The following COX7B2 variants were observed in gnomAD, a reference collection of about 807,000 sequenced individuals.
The protein encoded by COX7B2 is cytochrome c oxidase subunit 7B2, mitochondrial.
For synonymous variants in COX7B2, 37 were observed against 32.1 expected (o/e 1.15, Z -0.51); for missense variants, 109 against 95.9 (o/e 1.14, Z -0.57).
intron 2 of COX7B2, among the ~76,000 whole-genome samples, chr4:46,772,613 A>G (rs1716939117): frequency 6.6e-6 from 1 of 152,154 alleles, no homozygotes; most frequent in African/African-American, 2.4e-5. Context: ...GGAGGAAAAA[A>G]GAAAGAAAGG....
chr4:46,808,121 A>G (rs531748674), intron 2 of COX7B2, among the ~76,000 whole-genome samples: 5 of 151,984 alleles, frequency 3.3e-5, no homozygotes, highest in African/African-American at 1.2e-4. Flanking sequence ...TGTACTATGA[A>G]TATTTCAACA....
intron 1 of COX7B2, among the ~76,000 whole-genome samples, chr4:46,902,273 C>T (rs749336094): frequency 3.9e-5 from 6 of 152,118 alleles, no homozygotes; most frequent in African/African-American, 7.2e-5. Context: ...CTAAAGTCGA[C>T]GATCATATAA....
chr4:46,799,599 G>C (rs1718544103), intron 2 of COX7B2, among the ~76,000 whole-genome samples: 1 of 152,062 alleles, frequency 6.6e-6, no homozygotes, highest in Non-Finnish European at 1.5e-5. Context: ...CCTCTTCTGT[G>C]TCTATGGAGA....
chr4:46,806,834 T>A (rs760422500), intron 2 of COX7B2, among the ~76,000 whole-genome samples: 1 of 152,056 alleles, frequency 6.6e-6, no homozygotes, highest in Admixed American at 6.5e-5. Context: ...ATCCATGTTA[T>A]AACAAAGGGC....
chr4:46,781,691 G>T (rs1717457341), intron 2 of COX7B2, among the ~76,000 whole-genome samples: 1 of 152,320 alleles, frequency 6.6e-6, no homozygotes, highest in South Asian at 2.1e-4. Context: ...AGAGGGAATG[G>T]TGGGAACCTG....
At chr4:46,892,674 C>T (rs1289698567) in intron 1 of COX7B2, among the ~76,000 whole-genome samples, 1 of 152,110 alleles carries the variant, frequency 6.6e-6, no homozygotes, top group South Asian at 2.1e-4. Flanking sequence ...ATCAAAGTAG[C>T]CTCAACATCT....
At chr4:46,863,419 T>C (rs2109805808) in intron 1 of COX7B2, among the ~76,000 whole-genome samples, 1 of 152,280 alleles carries the variant, frequency 6.6e-6, no homozygotes, top group East Asian at 1.9e-4. Context: ...AAAAGAAAAT[T>C]CATGAAGGAA....
intron 2 of COX7B2, among the ~76,000 whole-genome samples, chr4:46,798,255 C>T (rs932611127): frequency 1.3e-5 from 2 of 152,148 alleles, no homozygotes; most frequent in Admixed American, 1.3e-4. Context: ...TGCAACTGGC[C>T]TCTCCTAGAA....
At chr4:46,782,404 T>C (rs1253969052) in intron 2 of COX7B2, among the ~76,000 whole-genome samples, 1 of 152,114 alleles carries the variant, frequency 6.6e-6, no homozygotes. Flanking sequence ...GGAGAACTTT[T>C]GTGCCTAGCT....
intron 2 of COX7B2, among the ~76,000 whole-genome samples, chr4:46,801,709 G>A (rs1466981944): frequency 2.0e-5 from 3 of 152,066 alleles, no homozygotes; most frequent in Non-Finnish European, 4.4e-5. Context: ...TGTATCCCCT[G>A]AACCTAAAAT....
chr4:46,812,573 A>G (rs2109665673), intron 2 of COX7B2, among the ~76,000 whole-genome samples: 1 of 152,218 alleles, frequency 6.6e-6, no homozygotes, highest in South Asian at 2.1e-4. Context: ...CAAGGATGTA[A>G]GTTCCTGATA....
At chr4:46,804,712 C>A (rs926867961) in intron 2 of COX7B2, among the ~76,000 whole-genome samples, 2 of 152,196 alleles carry the variant, frequency 1.3e-5, no homozygotes, top group Non-Finnish European at 2.9e-5. Context: ...AATCCCTTAG[C>A]TAGACATAAA....
intron 2 of COX7B2, among the ~76,000 whole-genome samples, chr4:46,804,933 G>A (rs553438628): frequency 6.6e-6 from 1 of 152,188 alleles, no homozygotes; most frequent in African/African-American, 2.4e-5. Context: ...GCCAGGGTAG[G>A]GGGGGCGGTG....
intron 2 of COX7B2, among the ~76,000 whole-genome samples, chr4:46,822,248 T>G (rs1402086609): frequency 2.0e-5 from 3 of 152,128 alleles, no homozygotes; most frequent in Non-Finnish European, 4.4e-5. Flanking sequence ...AGTTTTTGTT[T>G]CTTGAGGAGA....
At chr4:46,804,747 CAGG>C (rs1226100128) in intron 2 of COX7B2, among the ~76,000 whole-genome samples, 2 of 152,238 alleles carry the variant, frequency 1.3e-5, no homozygotes, top group African/African-American at 4.8e-5. Flanking sequence ...CCACCAGACT[CAGG>C]AGCCCAGTTG....
intron 2 of COX7B2, among the ~76,000 whole-genome samples, chr4:46,747,520 T>G (rs1229030022): frequency 1.3e-5 from 2 of 151,936 alleles, no homozygotes. Flanking sequence ...GTCAGGCTGG[T>G]CTTGAACTCT....
chr4:46,880,607 A>C, intron 1 of COX7B2, among the ~76,000 whole-genome samples: 1 of 151,614 alleles, frequency 6.6e-6, no homozygotes, highest in East Asian at 1.9e-4. Context: ...TTCTGATGGC[A>C]ATTTTTATTT....
intron 2 of COX7B2, among the ~76,000 whole-genome samples, chr4:46,786,178 C>A (rs796857725): frequency 6.6e-6 from 1 of 152,144 alleles, no homozygotes; most frequent in Non-Finnish European, 1.5e-5. Flanking sequence ...TTAGTCATAA[C>A]CACTGGTAAA....
At chr4:46,763,143 A>T (rs1716317204) in intron 2 of COX7B2, among the ~76,000 whole-genome samples, 1 of 50,786 alleles carries the variant, frequency 2.0e-5, no homozygotes, top group Non-Finnish European at 3.8e-5. Flanking sequence ...TTGTATAATT[A>T]TATATTATAA....
Sources: gnomAD v4.1 joint callset for allele counts (sites outside exome capture counted in the v4.1 genomes callset) on GRCh38, gnomAD v4.1.1 for gene constraint, MANE v1.5 for transcripts, NCBI Gene and HGNC (gene_info 2026-07-23, HGNC 2026-07-21) for gene names.